DCHS2: variants seen among roughly 807,000 people sequenced by gnomAD.
DCHS2 encodes protocadherin-23.
A neutral mutation model predicts 182.4 loss-of-function variants in DCHS2; 142 were observed. The ratio of observed to expected loss-of-function variants is 0.78; its 90% CI spans 0.68 to 0.89. The LOEUF (loss-of-function observed/expected upper bound fraction) is 0.89, where lower values mean the gene tolerates loss of function less well. Ranked by LOEUF, DCHS2 falls within the 40% of genes least tolerant of loss-of-function variation. DCHS2 has a pLI of 0.00. For synonymous variants in DCHS2, 1,740 were observed against 1,663.3 expected (o/e 1.05, Z -1.12); for missense variants, 4,319 against 4,198.6 (o/e 1.03, Z -0.79).
intron 1 of DCHS2, among the ~76,000 whole-genome samples, chr4:154,473,876 A>G (rs1735579463): frequency 1.3e-5 from 2 of 152,220 alleles, no homozygotes. Flanking sequence ...GAAGCCCAAG[A>G]GGGGCTATAT....
chr4:154,267,071 G>A (rs1049348552), intron 14 of DCHS2, among the ~76,000 whole-genome samples: 7 of 152,216 alleles, frequency 4.6e-5, no homozygotes, highest in African/African-American at 1.7e-4. Flanking sequence ...CACTCTAGAA[G>A]TTCTTCCAGC....
chr4:154,320,504 A>T lies in DCHS2; in HGVS notation c.4895T>A (p.Val1632Asp), dbSNP rs1393698603. ...GTGGTGGACCAAGGAGCCCACTGTG[A>T]CATCCTCTTTGACATGGGCATTGGG... is the stretch of plus-strand genomic sequence containing the variant. Reference protein sequence around the residue: ...SFPNAHVKEDVTVGSLVHHIT... With the variant: ...SFPNAHVKEDDTVGSLVHHIT... The change falls in exon 9 of 20, where the codon GTC becomes GAC. Residue 1632 changes from valine to aspartate, a missense_variant. Coordinates refer to ENST00000357232, the MANE Select transcript of DCHS2 (RefSeq NM_001358235.2). 2 of 1,614,098 alleles carry T rather than the reference A, an allele frequency of 1.2e-6. No homozygotes were observed. The highest frequency in any genetic ancestry group is 2.7e-5 in the African/African-American group (2 of 75,032).
intron 1 of DCHS2, among the ~76,000 whole-genome samples, chr4:154,484,233 A>C (rs1275846935): frequency 6.6e-6 from 1 of 152,082 alleles, no homozygotes; most frequent in Non-Finnish European, 1.5e-5. Flanking sequence ...CATTCCCCTA[A>C]TTCAGGCCCA....
At chr4:154,294,381 A>G (rs1734823765) in intron 13 of DCHS2, among the ~76,000 whole-genome samples, 1 of 152,224 alleles carries the variant, frequency 6.6e-6, no homozygotes, top group African/African-American at 2.4e-5. Flanking sequence ...AGATGTATGA[A>G]GCAGAGTTAC....
At chr4:154,308,297 A>C (rs1735531305) in intron 10 of DCHS2, among the ~76,000 whole-genome samples, 1 of 151,574 alleles carries the variant, frequency 6.6e-6, no homozygotes, top group Admixed American at 6.6e-5. Flanking sequence ...AAGGGAGGGG[A>C]GGAAGGCATG....
chr4:154,426,670 A>G (rs1237264776), intron 1 of DCHS2, among the ~76,000 whole-genome samples: 1 of 152,196 alleles, frequency 6.6e-6, no homozygotes, highest in Non-Finnish European at 1.5e-5. Flanking sequence ...GCGATGGCTC[A>G]TGCCTGTAAT....
intron 1 of DCHS2, among the ~76,000 whole-genome samples, chr4:154,471,559 G>A (rs1000184204): frequency 2.0e-5 from 3 of 152,046 alleles, no homozygotes; most frequent in African/African-American, 7.2e-5. Context: ...TTACTTTTCA[G>A]TTAATAAATC....
chr4:154,239,624 T>C (rs1426244334), intron 18 of DCHS2, among the ~76,000 whole-genome samples: 1 of 152,148 alleles, frequency 6.6e-6, no homozygotes, highest in African/African-American at 2.4e-5. Flanking sequence ...TTCTCCTGCC[T>C]CAGCCTCCAG....
Position 154,490,774 on chromosome 4 carries a change from C to T in DCHS2, c.582G>A (p.Pro194=), listed in dbSNP as rs1423382548. 1.9e-6 allele frequency: 3 copies of T among 1,551,454 alleles called. No individual in the cohort carries two copies. The highest frequency in any genetic ancestry group is 2.4e-5 in the East Asian group (1 of 40,910). ...CCTGAGTGCTGAACAGTCCGGCGTC[C>T]GGATCGTGGGCAACTGGCAGGCGGA... is the stretch of plus-strand genomic sequence containing the variant. ...TAFRLPVAHD[P]DAGLFSTQGY... Residue 194 remains proline, a synonymous_variant, in exon 1 of 20, where the codon CCG becomes CCA. Coordinates refer to ENST00000357232, the MANE Select transcript of DCHS2 (RefSeq NM_001358235.2).
At chr4:154,405,400 AT>A (rs200340673) in intron 1 of DCHS2, among the ~76,000 whole-genome samples, 5 of 149,470 alleles carry the variant, frequency 3.3e-5, no homozygotes, top group East Asian at 2.0e-4. Context: ...ATGGACACTG[AT>A]TTTTTTTCCC....
At chr4:154,443,245 C>T (rs1249930944) in intron 1 of DCHS2, among the ~76,000 whole-genome samples, 1 of 152,106 alleles carries the variant, frequency 6.6e-6, no homozygotes, top group Non-Finnish European at 1.5e-5. Context: ...TACGGCTAAA[C>T]AAAAAAACAG....
chr4:154,289,929 C>T (rs554501473), intron 13 of DCHS2, among the ~76,000 whole-genome samples: 2 of 151,794 alleles, frequency 1.3e-5, no homozygotes, highest in Non-Finnish European at 3.0e-5. Context: ...AAGAAACATA[C>T]CTCAGCAAAA....
intron 13 of DCHS2, among the ~76,000 whole-genome samples, chr4:154,289,354 A>G (rs868296664): frequency 6.6e-6 from 1 of 151,976 alleles, no homozygotes; most frequent in Non-Finnish European, 1.5e-5. Context: ...GGATAAATTC[A>G]TAGACACATA....
At position 154,490,143 on chromosome 4, in the gene DCHS2, C is replaced by T. The variant is rs1263180343; in HGVS notation, c.1213G>A (p.Asp405Asn). 6.5e-7 allele frequency: 1 copy of T among 1,548,378 alleles called. No individual in the cohort carries two copies. The highest frequency in any genetic ancestry group is 2.4e-5 in the East Asian group (1 of 40,834). Residue 405 changes from aspartate to asparagine, a missense_variant, in exon 1 of 20, where the codon GAC (aspartate) becomes AAC (asparagine). By Grantham distance (23) the Asp-to-Asn change is conservative. Coordinates refer to ENST00000357232, the MANE Select transcript of DCHS2 (RefSeq NM_001358235.2). ...ATTGCTGGCCGGTTGTCATTCACGT[C>T]CAGCACGGCGATGGACACGCGCACC... ...ATVRVSIAVL[D>N]VNDNRPAIHV... is the part of the protein sequence containing the mutation.
At chr4:154,414,106 G>T (rs1019171091) in intron 1 of DCHS2, among the ~76,000 whole-genome samples, 6 of 151,604 alleles carry the variant, frequency 4.0e-5, no homozygotes, top group Non-Finnish European at 8.8e-5. Flanking sequence ...TATCTCCTCA[G>T]CTTCTAGAAT....
intron 4 of DCHS2, 39 bp downstream of exon 4, chr4:154,334,829 A>G (rs1245246366): frequency 2.0e-6 from 3 of 1,490,796 alleles, no homozygotes; most frequent in South Asian, 2.3e-5. Flanking sequence ...AAATGTTCCA[A>G]TAATGGAATT....
intron 1 of DCHS2, among the ~76,000 whole-genome samples, chr4:154,466,476 G>C (rs187639575): frequency 6.6e-6 from 1 of 152,300 alleles, no homozygotes; most frequent in East Asian, 1.9e-4. Flanking sequence ...AACGAAGCCA[G>C]CTCTTCATCC....
At position 154,320,520 on chromosome 4, in the gene DCHS2, G is replaced by A; in HGVS notation, c.4879C>T (p.His1627Tyr). The A allele has an allele frequency of 1.9e-6, 3 of 1,613,992 alleles. No homozygotes were observed. The highest frequency in any genetic ancestry group is 2.2e-5 in the East Asian group (1 of 44,862). ...CCCACTGTGACATCCTCTTTGACAT[G>A]GGCATTGGGGAAAGAAATAAAAGTG... is the stretch of plus-strand genomic sequence containing the variant. The part of the protein sequence containing the change: ...NPTFISFPNA[H>Y]VKEDVTVGSL... Residue 1627 changes from histidine (H) to tyrosine (Y), a missense_variant, in exon 9 of 20, where the codon CAT becomes TAT. Coordinates refer to ENST00000357232, the MANE Select transcript of DCHS2 (RefSeq NM_001358235.2).
chr4:154,234,565 G>C lies in DCHS2; in HGVS notation c.10087C>G (p.Leu3363Val), dbSNP rs1731351607. 1.2e-6 allele frequency: 2 copies of C among 1,612,970 alleles called. No individual in the cohort carries two copies. Among genetic ancestry groups the C allele is most frequent in the South Asian group, 2.2e-5 (2 of 90,910 alleles). ...ATTTGAACTTCATCTTCTGCTTTAAGTTCATGGCATGTACCACTGATGTGT... is the reference window on the plus strand; with the variant it reads ...ATTTGAACTTCATCTTCTGCTTTAACTTCATGGCATGTACCACTGATGTGT... ...GTHISGTCHE[L>V]KAEDEVQI Residue 3363 changes from leucine to valine, a missense_variant, in exon 20 of 20, where the codon CTT (leucine) becomes GTT (valine). By Grantham distance (32) the Leu-to-Val change is conservative (BLOSUM62 1). Transcript: ENST00000357232.
Sources: gnomAD v4.1 joint callset for allele counts (sites outside exome capture counted in the v4.1 genomes callset) on GRCh38, gnomAD v4.1.1 for gene constraint, MANE v1.5 for transcripts, NCBI Gene and HGNC (gene_info 2026-07-23, HGNC 2026-07-21) for gene names.